The following CAMK4 variants were observed in gnomAD, a reference collection of about 807,000 sequenced individuals.
The protein encoded by CAMK4 is calcium/calmodulin-dependent protein kinase type IV.
A neutral mutation model predicts 44.9 loss-of-function variants in CAMK4; 22 were observed. That is an observed-to-expected ratio of 0.49 (90% CI 0.35 to 0.70). The LOEUF (loss-of-function observed/expected upper bound fraction) is 0.70. Among genes scored for constraint, CAMK4 ranks in the 30% least tolerant of loss-of-function variants. CAMK4 has a pLI of 0.01. For synonymous variants in CAMK4, 218 were observed against 215.4 expected (o/e 1.01, Z -0.11); for missense variants, 498 against 586.8 (o/e 0.85, Z 1.56).
intron 9 of CAMK4, among the ~76,000 whole-genome samples, chr5:111,481,594 A>G (rs1358958048): frequency 1.3e-5 from 2 of 152,182 alleles, no homozygotes; most frequent in African/African-American, 4.8e-5. Context: ...AAGACCTGAG[A>G]CCTACAATCA....
intron 1 of CAMK4, among the ~76,000 whole-genome samples, chr5:111,291,649 C>T (rs1023675319): frequency 6.6e-6 from 1 of 152,062 alleles, no homozygotes; most frequent in African/African-American, 2.4e-5. Context: ...CTCCTGGGAC[C>T]ACAGGCAAGG....
At chr5:111,462,235 T>A (rs1350531362) in intron 7 of CAMK4, among the ~76,000 whole-genome samples, 1 of 152,240 alleles carries the variant, frequency 6.6e-6, no homozygotes, top group African/African-American at 2.4e-5. Flanking sequence ...GTTCAAACTT[T>A]CTTTGCACCA....
rs546404625 is a variant in CAMK4 at position 111,311,177 on chromosome 5, A to G, written c.162-32847A>G. On this transcript the variant is annotated intron_variant, in intron 1 of 10. Coordinates refer to ENST00000282356, the MANE Select transcript of CAMK4 (RefSeq NM_001744.6). ...CCTTTTTTTATTGCAAGGGAACGTG[A>G]CATCGGTTTATCTGGCATAAGGTTG... Among the ~76,000 whole-genome samples, 59 of 152,258 alleles carry G rather than the reference A, an allele frequency of 3.9e-4. No homozygotes were observed. The South Asian group carries it at 0.011, about 28-fold the overall frequency.
chr5:111,352,693 G>A (rs1417262349), intron 2 of CAMK4, among the ~76,000 whole-genome samples: 3 of 150,128 alleles, frequency 2.0e-5, no homozygotes, highest in Non-Finnish European at 4.4e-5. Flanking sequence ...GGGAGAGGGG[G>A]AAAGAGAGAG....
intron 1 of CAMK4, among the ~76,000 whole-genome samples, chr5:111,271,360 A>G (rs576103777): frequency 1.2e-4 from 18 of 152,358 alleles, no homozygotes; most frequent in Non-Finnish European, 2.5e-4. Flanking sequence ...TCTCTACCTT[A>G]CATAAGAATT....
chr5:111,305,221 GC>G, intron 1 of CAMK4, among the ~76,000 whole-genome samples: 1 of 7,256 alleles, frequency 1.4e-4, no homozygotes, highest in Non-Finnish European at 2.2e-4. Context: ...TCAAAAGCTG[GC>G]AGAAGGCAAG....
chr5:111,451,540 G>A (rs781449335), intron 7 of CAMK4, among the ~76,000 whole-genome samples: 8 of 151,964 alleles, frequency 5.3e-5, no homozygotes, highest in Admixed American at 2.0e-4. Flanking sequence ...CTCCAGCCTC[G>A]GCCTCCCAAA....
intron 2 of CAMK4, among the ~76,000 whole-genome samples, chr5:111,369,474 A>G (rs1368596968): frequency 6.6e-6 from 1 of 152,192 alleles, no homozygotes; most frequent in Admixed American, 6.5e-5. Flanking sequence ...TAAACCCATT[A>G]TATTTTAACA....
intron 1 of CAMK4, among the ~76,000 whole-genome samples, chr5:111,272,281 A>AT (rs1313035768): frequency 2.0e-5 from 3 of 152,090 alleles, no homozygotes; most frequent in Non-Finnish European, 4.4e-5. Context: ...TTTTACAAGT[A>AT]TTTTATGGAT....
At chr5:111,392,928 G>T (rs1418566819) in intron 4 of CAMK4, among the ~76,000 whole-genome samples, 1 of 152,114 alleles carries the variant, frequency 6.6e-6, no homozygotes, top group East Asian at 1.9e-4. Flanking sequence ...GACCCAGGAA[G>T]AGCTAGAGCA....
intron 7 of CAMK4, among the ~76,000 whole-genome samples, chr5:111,460,001 T>A (rs576865914): frequency 1.3e-4 from 20 of 152,034 alleles, no homozygotes; most frequent in Non-Finnish European, 2.8e-4. Context: ...AACTCTATTA[T>A]TATATATGTG....
intron 1 of CAMK4, among the ~76,000 whole-genome samples, chr5:111,257,523 T>G (rs572276579): frequency 6.6e-6 from 1 of 152,100 alleles, no homozygotes; most frequent in Admixed American, 6.6e-5. Flanking sequence ...TGTGGAGAAA[T>G]AGGAATGCTT....
At chr5:111,372,474 G>C (rs1358263968) in intron 2 of CAMK4, among the ~76,000 whole-genome samples, 2 of 152,086 alleles carry the variant, frequency 1.3e-5, no homozygotes, top group East Asian at 3.9e-4. Flanking sequence ...ATACAGACTT[G>C]GAGCTTCTGT....
At chr5:111,436,272 T>C (rs1465280981) in intron 5 of CAMK4, among the ~76,000 whole-genome samples, 3 of 152,180 alleles carry the variant, frequency 2.0e-5, no homozygotes, top group African/African-American at 7.2e-5. Context: ...TGCATATGTA[T>C]AAATAGACAG....
At chr5:111,309,510 G>A (rs1351888022) in intron 1 of CAMK4, among the ~76,000 whole-genome samples, 9 of 152,124 alleles carry the variant, frequency 5.9e-5, no homozygotes, top group Admixed American at 5.9e-4. Flanking sequence ...CACTAAAGCT[G>A]AACCTCCTTA....
chr5:111,486,032 T>A lies in CAMK4; in HGVS notation c.*1566T>A, dbSNP rs1053235074. 2.0e-5 allele frequency: 3 copies of A among 152,156 alleles called. No homozygotes were observed. Among genetic ancestry groups the A allele is most frequent in the African/African-American group, 7.2e-5 (3 of 41,454 alleles). 9.4% of individuals were successfully genotyped at this position (152,156 alleles called of 1,614,324 possible). A position where few individuals can be genotyped will look rare whatever the true frequency, so the allele number is the denominator to read the frequency against. On this transcript the variant is annotated 3_prime_UTR_variant, in exon 11 of 11. Coordinates refer to ENST00000282356, the MANE Select transcript of CAMK4 (RefSeq NM_001744.6). ...ATGACTATCACATAAAAATCCTTGT[T>A]AAAAAAGAGATCTTAAATTATGTTG...
chr5:111,396,979 T>C (rs1752036821), intron 5 of CAMK4, among the ~76,000 whole-genome samples: 1 of 152,206 alleles, frequency 6.6e-6, no homozygotes, highest in South Asian at 2.1e-4. Context: ...TAGAATCATC[T>C]CTTGCAATCA....
chr5:111,258,860 A>T (rs764559947), intron 1 of CAMK4, among the ~76,000 whole-genome samples: 4 of 152,048 alleles, frequency 2.6e-5, no homozygotes, highest in Non-Finnish European at 5.9e-5. Flanking sequence ...ATCCAAAAAG[A>T]TACGGGTCTC....
chr5:111,473,317 A>C lies in CAMK4; in HGVS notation c.632A>C (p.Glu211Ala). The change falls in exon 8 of 11, where the codon GAA (glutamate) becomes GCA (alanine). Residue 211 changes from glutamate to alanine, a missense_variant. This residue lies in a region of CAMK4 where 203 missense variants were observed against 298.2 expected (regional missense o/e 0.68). Transcript: ENST00000282356. ...ATTTTCACTTTTTCTGCAGCACCTG[A>C]AATTCTTAGAGGTTGTGCCTATGGA... ...VCGTPGYCAP[E>A]ILRGCAYGPE... 6.2e-7 allele frequency: 1 copy of C among 1,609,404 alleles called. No individual in the cohort carries two copies. The highest frequency in any genetic ancestry group is 8.5e-7 in the Non-Finnish European group (1 of 1,175,998).
Sources: allele counts gnomAD v4.1 joint callset (sites outside exome capture counted in the v4.1 genomes callset), GRCh38; gene constraint gnomAD v4.1.1; regional missense constraint gnomAD v4.1.1; transcripts MANE v1.5; gene names NCBI Gene and HGNC (gene_info 2026-07-23, HGNC 2026-07-21).